CHN2: variants seen among roughly 807,000 people sequenced by gnomAD.
CHN2 encodes the protein chimerin 2.
CHN2 carries 35 observed loss-of-function variants against 56.3 expected under a neutral mutation model. That is an observed-to-expected ratio of 0.62 (90% CI 0.47 to 0.82). The LOEUF (loss-of-function observed/expected upper bound fraction) is 0.82. Ranked by LOEUF, CHN2 falls within the 40% of genes least tolerant of loss-of-function variation. The probability of loss-of-function intolerance (pLI) is 0.00; values close to 1 mark genes in which losing one functional copy is unlikely to be tolerated. For missense variants in CHN2, 491 were observed against 580.5 expected, an observed-to-expected ratio of 0.85 and a Z score of 1.58; for synonymous variants, 210 against 212.8, an observed-to-expected ratio of 0.99 and a Z score of 0.12.
In CHN2 at chr7:29,286,341, T is replaced by C. The variant is rs536682041; in HGVS notation, c.50-68284T>C. Among the ~76,000 whole-genome samples the C allele has an allele frequency of 1.2e-4, 19 of 152,064 alleles. No homozygotes were observed. The East Asian group carries it at 2.3e-3, about 19-fold the overall frequency. ...TCTTTATTTCAGAGGAGGAATCTTT[T>C]TGGGGTATCTTATCATAAGAAATAG... On this transcript the variant is annotated intron_variant, in intron 1 of 12. Transcript: ENST00000222792.
At chr7:29,377,653 TGG>T (rs66747944) in intron 3 of CHN2, among the ~76,000 whole-genome samples, 122,335 of 151,504 alleles carry the variant, frequency 0.81, 49,456 homozygotes, top group Non-Finnish European at 0.84. Flanking sequence ...GCAGGTGGTT[TGG>T]GCAAGGCCCA....
Position 29,512,854 on chromosome 7 carries a change from TG to T in CHN2, c.*120del. ...AAGCAAGTGCTAGAATTTCCTGGAC[TG>T]CAGAGGATCGCTGAGTGGGGTACTG... On this transcript the variant is annotated 3_prime_UTR_variant, in exon 13 of 13. Coordinates refer to ENST00000222792, the MANE Select transcript of CHN2 (RefSeq NM_004067.4). 8.9e-7 allele frequency: 1 copy of T among 1,118,526 alleles called. No homozygotes were observed. The highest frequency in any genetic ancestry group is 1.3e-6 in the Non-Finnish European group (1 of 791,056). 69.3% of individuals were successfully genotyped at this position (1,118,526 alleles called of 1,614,324 possible).
At chr7:29,239,423 A>G (rs890720678) in intron 1 of CHN2, among the ~76,000 whole-genome samples, 1 of 152,244 alleles carries the variant, frequency 6.6e-6, no homozygotes, top group African/African-American at 2.4e-5. Context: ...TGATATGCCC[A>G]TTAGACGTGT....
intron 1 of CHN2, among the ~76,000 whole-genome samples, chr7:29,310,543 T>C (rs1368109442): frequency 6.6e-6 from 1 of 152,240 alleles, no homozygotes; most frequent in African/African-American, 2.4e-5. Flanking sequence ...TTAATACATA[T>C]TTGTTTTGAA....
intron 6 of CHN2, among the ~76,000 whole-genome samples, chr7:29,478,945 T>C (rs1353096529): frequency 2.0e-5 from 3 of 152,226 alleles, no homozygotes; most frequent in Admixed American, 1.3e-4. Context: ...CTTTGGTTAC[T>C]CTTCACAAGG....
At chr7:29,361,008 A>G (rs1798691780) in intron 2 of CHN2, among the ~76,000 whole-genome samples, 1 of 152,230 alleles carries the variant, frequency 6.6e-6, no homozygotes, top group African/African-American at 2.4e-5. Flanking sequence ...CCTGCCAAAC[A>G]GCTTACTCTG....
intron 1 of CHN2, among the ~76,000 whole-genome samples, chr7:29,334,145 G>A (rs1313381910): frequency 1.4e-5 from 2 of 145,314 alleles, no homozygotes; most frequent in East Asian, 2.0e-4. Flanking sequence ...TCTGCCTCCC[G>A]GTTCAAGTGA....
intron 2 of CHN2, among the ~76,000 whole-genome samples, chr7:29,165,612 G>A (rs1189184151): frequency 1.3e-5 from 2 of 152,152 alleles, no homozygotes; most frequent in African/African-American, 2.4e-5. Context: ...GTGATAGAAT[G>A]GATATACTTG....
At chr7:29,425,810 C>T (rs1804804019) in intron 6 of CHN2, among the ~76,000 whole-genome samples, 1 of 151,976 alleles carries the variant, frequency 6.6e-6, no homozygotes, top group Admixed American at 6.6e-5. Flanking sequence ...TTAATTTGTA[C>T]TGATATAAAA....
At chr7:29,508,403 G>C (rs1790861572) in intron 11 of CHN2, among the ~76,000 whole-genome samples, 1 of 132,842 alleles carries the variant, frequency 7.5e-6, no homozygotes, top group African/African-American at 2.9e-5. Context: ...TGTTGTTGTT[G>C]TTGTTGTTTT....
chr7:29,363,952 G>T (rs930682116), intron 2 of CHN2, among the ~76,000 whole-genome samples: 3 of 152,130 alleles, frequency 2.0e-5, no homozygotes, highest in Non-Finnish European at 4.4e-5. Context: ...CAAGAGGATT[G>T]TTTGAACCCA....
intron 6 of CHN2, among the ~76,000 whole-genome samples, chr7:29,440,486 T>A (rs1374796100): frequency 6.6e-6 from 1 of 151,316 alleles, no homozygotes; most frequent in Non-Finnish European, 1.5e-5. Context: ...AGATCAGGGG[T>A]TCGAGACAAG....
chr7:29,341,453 G>T (rs1797048438), intron 1 of CHN2, among the ~76,000 whole-genome samples: 1 of 152,162 alleles, frequency 6.6e-6, no homozygotes. Context: ...TTTGTTGCCA[G>T]GCCAGCACTG....
At chr7:29,202,228 A>G (rs556868976) in intron 1 of CHN2, among the ~76,000 whole-genome samples, 1 of 152,328 alleles carries the variant, frequency 6.6e-6, no homozygotes, top group Middle Eastern at 3.4e-3. Flanking sequence ...AAGCCGTGTT[A>G]TTTAAAAGAG....
intron 6 of CHN2, among the ~76,000 whole-genome samples, chr7:29,429,353 G>A (rs1192889431): frequency 6.6e-6 from 1 of 152,212 alleles, no homozygotes; most frequent in African/African-American, 2.4e-5. Context: ...TGCAGTAAGA[G>A]TGAAATAGTC....
intron 7 of CHN2, among the ~76,000 whole-genome samples, chr7:29,485,305 T>TAA (rs11403972): frequency 1.3e-4 from 19 of 149,726 alleles, no homozygotes; most frequent in Admixed American, 2.7e-4. Flanking sequence ...AGGTTCTTGT[T>TAA]AAAAAAAAAA....
At chr7:29,317,018 A>G (rs559729436) in intron 1 of CHN2, among the ~76,000 whole-genome samples, 3 of 152,252 alleles carry the variant, frequency 2.0e-5, no homozygotes, top group African/African-American at 7.2e-5. Flanking sequence ...TTTCTGAACA[A>G]TAATAATTTG....
At chr7:29,486,800 CTAAGAA>C (rs930766593) in intron 7 of CHN2, among the ~76,000 whole-genome samples, 2 of 152,154 alleles carry the variant, frequency 1.3e-5, no homozygotes, top group African/African-American at 4.8e-5. Flanking sequence ...GTTCAAGAAG[CTAAGAA>C]TATGTCCCCA....
intron 1 of CHN2, among the ~76,000 whole-genome samples, chr7:29,303,106 T>C (rs1281743261): frequency 2.6e-5 from 4 of 152,234 alleles, no homozygotes; most frequent in African/African-American, 9.6e-5. Flanking sequence ...CTTGCCATTG[T>C]GCGTTGATGC....
Sources: allele counts gnomAD v4.1 joint callset (sites outside exome capture counted in the v4.1 genomes callset), GRCh38; gene constraint gnomAD v4.1.1; transcripts MANE v1.5; gene names NCBI Gene and HGNC (gene_info 2026-07-23, HGNC 2026-07-21).